CRIM1: variants seen among roughly 807,000 people sequenced by gnomAD.
The protein encoded by CRIM1 is cysteine rich transmembrane BMP regulator 1, also known as cysteine-rich motor neuron 1 protein.
CRIM1 carries 32 observed loss-of-function variants against 116.4 expected under a neutral mutation model. The observed-to-expected ratio is 0.27, with a 90% confidence interval of 0.21 to 0.37. The LOEUF (loss-of-function observed/expected upper bound fraction) is 0.37, where lower values mean the gene tolerates loss of function less well. Among genes scored for constraint, CRIM1 ranks in the 10% least tolerant of loss-of-function variants. The pLI is 1.00. For synonymous variants in CRIM1, 590 were observed against 509.2 expected (o/e 1.16, Z -2.13); for missense variants, 1,331 against 1,354.8 (o/e 0.98, Z 0.28).
chr2:36,511,179 G>A (rs547196974), intron 9 of CRIM1, among the ~76,000 whole-genome samples: 35 of 152,168 alleles, frequency 2.3e-4, no homozygotes, highest in African/African-American at 7.5e-4. Flanking sequence ...TGGCTCAAGC[G>A]ATCAGCCTAC....
At chr2:36,500,570 G>A (rs7560896) in intron 8 of CRIM1, among the ~76,000 whole-genome samples, 8,345 of 151,894 alleles carry the variant, frequency 0.055, 738 homozygotes, top group African/African-American at 0.19. Flanking sequence ...GAAATTATCC[G>A]AATCATTTTA....
chr2:36,528,451 A>G (rs1665902191), intron 13 of CRIM1, among the ~76,000 whole-genome samples: 1 of 152,218 alleles, frequency 6.6e-6, no homozygotes. Flanking sequence ...TCATACCTCT[A>G]GACATTATCA....
intron 2 of CRIM1, among the ~76,000 whole-genome samples, chr2:36,413,394 A>G (rs1300210473): frequency 6.6e-6 from 1 of 152,160 alleles, no homozygotes; most frequent in Non-Finnish European, 1.5e-5. Flanking sequence ...CTTTTTTGGC[A>G]TAGTTACAAC....
At chr2:36,547,978 T>C (rs1345693319) in intron 16 of CRIM1, among the ~76,000 whole-genome samples, 1 of 152,226 alleles carries the variant, frequency 6.6e-6, no homozygotes, top group African/African-American at 2.4e-5. Context: ...AATTCTGTCC[T>C]GCGGTTATCC....
At chr2:36,424,707 G>GT (rs1216925898) in intron 2 of CRIM1, among the ~76,000 whole-genome samples, 4 of 152,132 alleles carry the variant, frequency 2.6e-5, no homozygotes, top group African/African-American at 7.2e-5. Flanking sequence ...CCTCCGTGAA[G>GT]TTTTTTCAGC....
intron 7 of CRIM1, among the ~76,000 whole-genome samples, chr2:36,480,713 G>A (rs1253981346): frequency 6.6e-6 from 1 of 152,124 alleles, no homozygotes; most frequent in African/African-American, 2.4e-5. Flanking sequence ...TCATATAAAA[G>A]TTTAAGCTTG....
intron 1 of CRIM1, among the ~76,000 whole-genome samples, chr2:36,366,957 G>C (rs73922892): frequency 0.011 from 1,749 of 152,314 alleles, 42 homozygotes; most frequent in African/African-American, 0.04. Flanking sequence ...CTTTCTGTGT[G>C]TGTGTTTATA....
At chr2:36,510,274 A>G (rs538830200) in intron 9 of CRIM1, 135 bp downstream of exon 9, 1 of 793,540 alleles carries the variant, frequency 1.3e-6, no homozygotes, top group African/African-American at 1.7e-5. Context: ...TTGTTTTGTT[A>G]GGTGATTCAG....
chr2:36,479,254 T>C (rs1679218910), intron 6 of CRIM1, among the ~76,000 whole-genome samples: 1 of 152,114 alleles, frequency 6.6e-6, no homozygotes, highest in East Asian at 1.9e-4. Flanking sequence ...TGCACATTGG[T>C]TTTTAGACTA....
In CRIM1 at chr2:36,517,510, G is replaced by C; in HGVS notation, c.2174G>C (p.Arg725Pro). Residue 725 changes from arginine to proline, a missense_variant, in exon 12 of 17, where the codon CGC becomes CCC. Arg to Pro is a moderately radical substitution (Grantham distance 103). Coordinates refer to ENST00000280527, the MANE Select transcript of CRIM1 (RefSeq NM_016441.3). ...CPPLLCQNPS[R>P]TQDSCCPQCT... ...CCGCTGCTCTGCCAGAACCCCTCAC[G>C]CACCCAGGATTCCTGCTGCCCACAG... 1.2e-6 allele frequency: 2 copies of C among 1,613,978 alleles called. No homozygotes were observed. The highest frequency in any genetic ancestry group is 1.7e-6 in the Non-Finnish European group (2 of 1,179,950).
chr2:36,442,546 T>G, intron 3 of CRIM1, 69 bp from the exon 4 acceptor site: 1 of 1,594,218 alleles, frequency 6.3e-7, no homozygotes, highest in South Asian at 1.1e-5. Flanking sequence ...AGAGCTAGTA[T>G]TTCATTTAGG....
At chr2:36,471,974 A>G (rs1465808678) in intron 5 of CRIM1, among the ~76,000 whole-genome samples, 1 of 152,192 alleles carries the variant, frequency 6.6e-6, no homozygotes, top group African/African-American at 2.4e-5. Flanking sequence ...TCCACCAATC[A>G]GTGTAGTTTG....
rs376282494 is a variant in CRIM1 at position 36,421,523 on chromosome 2, T to C, written c.506-19735T>C. Among the ~76,000 whole-genome samples the C allele has an allele frequency of 3.9e-5, 6 of 152,210 alleles. No individual in the cohort carries two copies. In the South Asian group the frequency reaches 1.2e-3, roughly 32 times the overall value. On this transcript the variant is annotated intron_variant, in intron 2 of 16. Coordinates refer to ENST00000280527, the MANE Select transcript of CRIM1 (RefSeq NM_016441.3). Reference sequence around the variant, plus strand: ...TTCCACTTTCAGTAAGAAAAATAATTAGCATTAACATTTCAGTGGAATTGC... The same window carrying C: ...TTCCACTTTCAGTAAGAAAAATAATCAGCATTAACATTTCAGTGGAATTGC...
intron 7 of CRIM1, among the ~76,000 whole-genome samples, chr2:36,487,258 A>G (rs1035174483): frequency 1.3e-5 from 2 of 152,140 alleles, no homozygotes; most frequent in African/African-American, 2.4e-5. Flanking sequence ...CACTTTTCCT[A>G]TGAAGCATGT....
intron 1 of CRIM1, among the ~76,000 whole-genome samples, chr2:36,358,524 A>G (rs1208166173): frequency 6.6e-6 from 1 of 152,214 alleles, no homozygotes; most frequent in Non-Finnish European, 1.5e-5. Context: ...GTGTTGTGGC[A>G]GCAATATCCC....
intron 2 of CRIM1, among the ~76,000 whole-genome samples, chr2:36,403,049 A>G (rs1403017413): frequency 6.6e-6 from 1 of 152,188 alleles, no homozygotes; most frequent in Non-Finnish European, 1.5e-5. Context: ...TTATAACCTC[A>G]TCAGGAGTTT....
chr2:36,402,732 GA>G (rs75249049), intron 2 of CRIM1, among the ~76,000 whole-genome samples: 20,075 of 150,050 alleles, frequency 0.13, 1,639 homozygotes, highest in East Asian at 0.47. Flanking sequence ...GTGCATTCGA[GA>G]TACCATTGGA....
intron 4 of CRIM1, among the ~76,000 whole-genome samples, chr2:36,443,355 TTTTA>T (rs940507500): frequency 6.6e-6 from 1 of 152,172 alleles, no homozygotes; most frequent in African/African-American, 2.4e-5. Flanking sequence ...GTCCTGTCCT[TTTTA>T]GTCTACAAAG....
At chr2:36,391,203 C>G (rs967859332) in intron 1 of CRIM1, among the ~76,000 whole-genome samples, 1 of 134,646 alleles carries the variant, frequency 7.4e-6, no homozygotes, top group Non-Finnish European at 1.5e-5. Flanking sequence ...GATCTGGGCT[C>G]ACTGCAAGCT....
Sources: allele counts gnomAD v4.1 joint callset (sites outside exome capture counted in the v4.1 genomes callset), GRCh38; gene constraint gnomAD v4.1.1; transcripts MANE v1.5; gene names NCBI Gene and HGNC (gene_info 2026-07-23, HGNC 2026-07-21).